SEMA3A: variants seen among roughly 807,000 people sequenced by gnomAD.
The protein encoded by SEMA3A is semaphorin 3A.
A neutral mutation model predicts 97.9 loss-of-function variants in SEMA3A; 29 were observed. That is an observed-to-expected ratio of 0.30 (90% confidence interval 0.22 to 0.40). The LOEUF (loss-of-function observed/expected upper bound fraction) is 0.40. SEMA3A is among the 10% of genes least tolerant of loss of function. The probability of loss-of-function intolerance (pLI) is 1.00; values close to 1 mark genes in which losing one functional copy is unlikely to be tolerated. For missense variants in SEMA3A, 763 were observed against 951.3 expected, an observed-to-expected ratio of 0.80 and a Z score of 2.60; for synonymous variants, 321 against 323.7, an observed-to-expected ratio of 0.99 and a Z score of 0.09.
chr7:84,381,769 G>A (rs1048446233), intron 1 of SEMA3A, among the ~76,000 whole-genome samples: 11 of 152,146 alleles, frequency 7.2e-5, no homozygotes, highest in South Asian at 2.1e-4. Context: ...TTCCTAACAC[G>A]CAATAGTTTT....
intron 3 of SEMA3A, among the ~76,000 whole-genome samples, chr7:84,123,652 T>C (rs1795700304): frequency 6.7e-6 from 1 of 149,490 alleles, no homozygotes; most frequent in Non-Finnish European, 1.5e-5. Context: ...AATATATAAA[T>C]ATATAGAAAA....
At chr7:83,981,287 C>A in intron 14 of SEMA3A, 34 bp downstream of exon 14, 3 of 1,606,140 alleles carry the variant, frequency 1.9e-6, no homozygotes, top group Non-Finnish European at 8.5e-7. Flanking sequence ...GGATAACTAG[C>A]AAACATTTCA....
intron 3 of SEMA3A, among the ~76,000 whole-genome samples, chr7:84,249,356 C>CTG (rs1368770746): frequency 2.7e-5 from 4 of 145,618 alleles, no homozygotes; most frequent in African/African-American, 1.0e-4. Context: ...CTCTCTCTCT[C>CTG]TCTCTGTCTA....
intron 11 of SEMA3A, among the ~76,000 whole-genome samples, chr7:84,003,483 T>A (rs1790542812): frequency 6.6e-6 from 1 of 152,176 alleles, no homozygotes; most frequent in African/African-American, 2.4e-5. Flanking sequence ...CAGTTTACTT[T>A]GCTGACAGAT....
At chr7:84,068,837 G>C (rs1167738148) in intron 4 of SEMA3A, among the ~76,000 whole-genome samples, 1 of 152,106 alleles carries the variant, frequency 6.6e-6, no homozygotes, top group Non-Finnish European at 1.5e-5. Flanking sequence ...TATGGTTCAA[G>C]AGAAGATGAA....
At chr7:84,250,456 C>T (rs1357154900) in intron 3 of SEMA3A, among the ~76,000 whole-genome samples, 1 of 152,070 alleles carries the variant, frequency 6.6e-6, no homozygotes, top group Non-Finnish European at 1.5e-5. Flanking sequence ...ACCTCTTTAC[C>T]TTTAGCAGGG....
intron 2 of SEMA3A, among the ~76,000 whole-genome samples, chr7:84,327,716 T>C (rs1158530922): frequency 1.3e-5 from 2 of 151,986 alleles, no homozygotes; most frequent in Non-Finnish European, 2.9e-5. Context: ...TAGCTCCAAT[T>C]TTATAACTTT....
At chr7:84,078,536 A>C (rs993798804) in intron 4 of SEMA3A, among the ~76,000 whole-genome samples, 4 of 152,068 alleles carry the variant, frequency 2.6e-5, no homozygotes, top group Non-Finnish European at 5.9e-5. Context: ...TACTTCAAAT[A>C]GCAAAGTTTT....
At chr7:84,413,613 G>A (rs1173420052) in intron 1 of SEMA3A, among the ~76,000 whole-genome samples, 1 of 152,030 alleles carries the variant, frequency 6.6e-6, no homozygotes, top group African/African-American at 2.4e-5. Flanking sequence ...GGGTGACAGG[G>A]TGTCAGAGTG....
intron 12 of SEMA3A, among the ~76,000 whole-genome samples, chr7:83,996,580 T>C (rs1023157993): frequency 1.3e-5 from 2 of 152,114 alleles, no homozygotes; most frequent in Non-Finnish European, 2.9e-5. Flanking sequence ...GGATTAGAGG[T>C]GTGAGCCACC....
intron 5 of SEMA3A, among the ~76,000 whole-genome samples, chr7:84,057,001 A>G (rs567278693): frequency 6.6e-6 from 1 of 152,342 alleles, no homozygotes; most frequent in African/African-American, 2.4e-5. Flanking sequence ...TTCAGGTACA[A>G]GGAAACTGAG....
chr7:84,226,576 A>C (rs1390207812), intron 3 of SEMA3A, among the ~76,000 whole-genome samples: 1 of 152,124 alleles, frequency 6.6e-6, no homozygotes, highest in African/African-American at 2.4e-5. Flanking sequence ...CTTTAAAATA[A>C]GTGTGATTTT....
At chr7:84,406,401 T>G (rs1804089276) in intron 1 of SEMA3A, among the ~76,000 whole-genome samples, 1 of 151,990 alleles carries the variant, frequency 6.6e-6, no homozygotes, top group Admixed American at 6.6e-5. Flanking sequence ...ATTGAGGCAA[T>G]AATTAATAGT....
At chr7:84,117,361 C>T (rs758395210) in intron 3 of SEMA3A, among the ~76,000 whole-genome samples, 10 of 152,070 alleles carry the variant, frequency 6.6e-5, no homozygotes, top group African/African-American at 2.2e-4. Context: ...TAGGACAAAA[C>T]GAACAATTTC....
chr7:84,476,730 C>A (rs186773619), intron 1 of SEMA3A, among the ~76,000 whole-genome samples: 1 of 152,016 alleles, frequency 6.6e-6, no homozygotes, highest in African/African-American at 2.4e-5. Flanking sequence ...AGTTAGAAAA[C>A]GCACAAATTA....
chr7:84,348,672 C>T (rs144266992), intron 2 of SEMA3A, among the ~76,000 whole-genome samples: 110 of 152,170 alleles, frequency 7.2e-4, no homozygotes, highest in African/African-American at 2.6e-3. Context: ...ATGAAAGAAT[C>T]GCTGGAGTTT....
chr7:84,467,136 AC>A (rs1163707761), intron 1 of SEMA3A, among the ~76,000 whole-genome samples: 3 of 152,148 alleles, frequency 2.0e-5, no homozygotes, highest in Non-Finnish European at 4.4e-5. Flanking sequence ...GAGAAAAAAA[AC>A]CTAATCATCT....
chr7:84,110,616 GTT>G, intron 3 of SEMA3A, 27 bp from the exon 4 acceptor site: 1 of 1,612,504 alleles, frequency 6.2e-7, no homozygotes, highest in Admixed American at 1.7e-5. Flanking sequence ...AAACCAAAGA[GTT>G]TCAGCAATCA....
chr7:84,085,232 T>C (rs1794293342), intron 4 of SEMA3A, among the ~76,000 whole-genome samples: 1 of 75,336 alleles, frequency 1.3e-5, no homozygotes, highest in Non-Finnish European at 2.5e-5. Flanking sequence ...ATGCTTCATT[T>C]GGAATGAGAT....
Sources: allele counts gnomAD v4.1 joint callset (sites outside exome capture counted in the v4.1 genomes callset), GRCh38; gene constraint gnomAD v4.1.1; transcripts MANE v1.5; gene names NCBI Gene and HGNC (gene_info 2026-07-23, HGNC 2026-07-21).